FBXW9: variants seen among roughly 807,000 people sequenced by gnomAD.
FBXW9 encodes F-box and WD repeat domain containing 9.
Under a neutral mutation model 55.8 loss-of-function variants are expected in FBXW9, and 38 were observed. The ratio of observed to expected loss-of-function variants is 0.68; its 90% confidence interval spans 0.53 to 0.89. FBXW9 has a LOEUF of 0.89. Ranked by LOEUF, FBXW9 falls within the 40% of genes least tolerant of loss-of-function variation. FBXW9 has a pLI of 0.00. For synonymous variants in FBXW9, 289 were observed against 278.2 expected (o/e 1.04, Z -0.38); for missense variants, 590 against 619.4 (o/e 0.95, Z 0.50).
Position 12,696,298 on chromosome 19 carries a change from T to G in FBXW9, c.284A>C (p.Asp95Ala), listed in dbSNP as rs1308400672. The part of the protein sequence containing the change: ...ELLLEICSYL[D>A]ARLVLHVLSR... ...CAGGACGTGGAGCACGAGGCGGGCG[T>G]CCAGGTAGGAGCAGATCTCGAGCAG... The change falls in exon 1 of 10, where the codon GAC becomes GCC. Residue 95 changes from aspartate to alanine, a missense_variant. Physicochemically the swap from Asp to Ala is moderately radical, Grantham distance 126. Transcript: ENST00000393261. The G allele has an allele frequency of 6.3e-7, 1 of 1,578,522 alleles. No individual in the cohort carries two copies. Among genetic ancestry groups the G allele is most frequent in the Non-Finnish European group, 8.6e-7 (1 of 1,162,872 alleles).
chr19:12,692,791 T>C (rs1229040296), intron 3 of FBXW9, among the ~76,000 whole-genome samples: 1 of 152,162 alleles, frequency 6.6e-6, no homozygotes, highest in Non-Finnish European at 1.5e-5. Context: ...CCCAAAGTGT[T>C]AGGATTACAG....
chr19:12,689,445 G>A lies in FBXW9; in HGVS notation c.1237-8C>T, dbSNP rs2024971389. ...GTCTGTGGGCACGTGCACCTAGTGA[G>A]GGGCAATGGGCGAGGTCAAGAGGTG... On this transcript the variant is annotated splice_region_variant and splice_polypyrimidine_tract_variant and intron_variant, in intron 8 of 9. Coordinates refer to ENST00000393261, the MANE Select transcript of FBXW9 (RefSeq NM_032301.3). The surrounding 1 kb of genome is among the most constrained non-coding windows in gnomAD (Gnocchi z 5.9). The A allele has an allele frequency of 5.0e-6, 8 of 1,614,060 alleles. No homozygotes were observed. In the East Asian group the frequency reaches 1.8e-4, roughly 36 times the overall value.
chr19:12,695,291 A>T (rs994085005), intron 1 of FBXW9, among the ~76,000 whole-genome samples: 1 of 152,164 alleles, frequency 6.6e-6, no homozygotes, highest in Non-Finnish European at 1.5e-5. Flanking sequence ...CCTCATGACT[A>T]ACCCTTCCTG....
intron 5 of FBXW9, among the ~76,000 whole-genome samples, chr19:12,690,622 A>T (rs557028505): frequency 6.6e-6 from 1 of 151,728 alleles, no homozygotes; most frequent in African/African-American, 2.4e-5. Context: ...TTCTCCATTT[A>T]AAAAAAAGAA....
chr19:12,694,968 TGG>T, intron 1 of FBXW9, 30 bp from the exon 2 acceptor site: 5 of 1,603,514 alleles, frequency 3.1e-6, no homozygotes, highest in Non-Finnish European at 4.2e-6. Flanking sequence ...GGGTGCCCAG[TGG>T]GCAGGGACCC....
Position 12,688,966 on chromosome 19 carries a change from C to T in FBXW9, c.*250G>A, listed in dbSNP as rs559280984. On this transcript the variant is annotated 3_prime_UTR_variant, in exon 10 of 10. Transcript: ENST00000393261. ...TTTCTCCTTCGCTCTCAACTGAGAG[C>T]GGGGCATCCAAATCATAACAAAACC... 97 of 670,916 alleles carry T rather than the reference C, an allele frequency of 1.4e-4. 1 individual carries two copies. Among genetic ancestry groups the T allele is most frequent in the South Asian group, 2.3e-4 (15 of 65,794 alleles). 41.6% of individuals were successfully genotyped at this position (670,916 alleles called of 1,614,324 possible). A position where few individuals can be genotyped will look rare whatever the true frequency, so the allele number is the denominator to read the frequency against.
intron 3 of FBXW9, among the ~76,000 whole-genome samples, chr19:12,692,233 T>C (rs1305408406): frequency 6.6e-6 from 1 of 151,218 alleles, no homozygotes; most frequent in East Asian, 1.9e-4. Context: ...CTAATTTTTT[T>C]TTTTTTTTTT....
Position 12,696,349 on chromosome 19 carries a change from C to G in FBXW9, c.233G>C (p.Gly78Ala), listed in dbSNP as rs950749623. 7 of 1,602,228 alleles carry G rather than the reference C, an allele frequency of 4.4e-6. No homozygotes were observed. The highest frequency in any genetic ancestry group is 3.5e-5 in the Admixed American group (2 of 57,666). The change falls in exon 1 of 10, where the codon GGC (glycine) becomes GCC (alanine). Residue 78 changes from glycine (G) to alanine (A), a missense_variant. Transcript: ENST00000393261. ...CAGCTCCGGGGGAAGGCTCAGAAGG[C>G]CCGGCTCACTTACGGCCGAAACCCT... ...ASRVSAVSEP[G>A]LLSLPPELLL...
Position 12,694,934 on chromosome 19 carries a change from C to G in FBXW9, c.414G>C (p.Lys138Asn), listed in dbSNP as rs1462836872. 1 of 1,613,028 alleles carries G rather than the reference C, an allele frequency of 6.2e-7. No homozygotes were observed. Among genetic ancestry groups the G allele is most frequent in the Non-Finnish European group, 8.5e-7 (1 of 1,179,924 alleles). Residue 138 changes from lysine (K) to asparagine (N), a missense_variant, in exon 2 of 10, where the codon AAG becomes AAC. Lys to Asn is a moderately conservative substitution (Grantham distance 94). Transcript: ENST00000393261. ...TGCAGGCTGCCGGCCAGTCAAAGTT[C>G]TTCTCTGTGGGTTACCACGAGTAGG... ...VRAPYPVVEE[K>N]NFDWPAACIA...
chr19:12,696,198 T>C lies in FBXW9; in HGVS notation c.384A>G (p.Val128=). The C allele has an allele frequency of 2.6e-6, 4 of 1,545,470 alleles. No individual in the cohort carries two copies. Among genetic ancestry groups the C allele is most frequent in the African/African-American group, 1.4e-5 (1 of 73,006 alleles). Residue 128 remains valine, a synonymous_variant, in exon 1 of 10, where the codon GTA becomes GTG. Coordinates refer to ENST00000393261, the MANE Select transcript of FBXW9 (RefSeq NM_032301.3). ...CTTCCACCACTGGGTAGGGCGCGCG[T>C]ACGCGGCGTAGCGCGCGTAGCCTCC... ...VTWRLRALRR[V]RAPYPVVEEK... is the part of the protein sequence containing the mutation.
intron 1 of FBXW9, among the ~76,000 whole-genome samples, chr19:12,695,399 G>T (rs563460587): frequency 6.6e-6 from 1 of 152,216 alleles, no homozygotes; most frequent in South Asian, 2.1e-4. Context: ...CCCAGATGCA[G>T]ATTCTGTGAT....
At position 12,691,041 on chromosome 19, in the gene FBXW9, G is replaced by A. The variant is rs890752715; in HGVS notation, c.883+125C>T. 4 of 875,796 alleles carry A rather than the reference G, an allele frequency of 4.6e-6. No individual in the cohort carries two copies. In the African/African-American group the frequency reaches 6.6e-5, roughly 14 times the overall value. The allele number at this position is 875,796 out of a possible 1,614,324, so 54.3% of individuals were successfully genotyped here. Reference sequence around the variant, plus strand: ...AAGTTGCCTGTATTGTACCAGCACAGCATGGCCACTCTGAGTGGTGAGTAT... The same window carrying A: ...AAGTTGCCTGTATTGTACCAGCACAACATGGCCACTCTGAGTGGTGAGTAT... On this transcript the variant is annotated intron_variant, in intron 5 of 9. Coordinates refer to ENST00000393261, the MANE Select transcript of FBXW9 (RefSeq NM_032301.3).
chr19:12,691,461 G>A lies in FBXW9; in HGVS notation c.679-7C>T, dbSNP rs1363578556. 18 of 1,557,030 alleles carry A rather than the reference G, an allele frequency of 1.2e-5. No homozygotes were observed. The highest frequency in any genetic ancestry group is 1.5e-5 in the Non-Finnish European group (17 of 1,152,332). ...CCAGTGACCACACCCAGCCCTGCAG[G>A]ACAGGAGCAGCAGTCACACACCTGC... On this transcript the variant is annotated splice_polypyrimidine_tract_variant and splice_region_variant and intron_variant, in intron 3 of 9. Coordinates refer to ENST00000393261, the MANE Select transcript of FBXW9 (RefSeq NM_032301.3).
Position 12,696,352 on chromosome 19 carries a change from G to A in FBXW9, c.230C>T (p.Pro77Leu), listed in dbSNP as rs772116742. ...CTCCGGGGGAAGGCTCAGAAGGCCCGGCTCACTTACGGCCGAAACCCTGGA... is the reference window on the plus strand; with the variant it reads ...CTCCGGGGGAAGGCTCAGAAGGCCCAGCTCACTTACGGCCGAAACCCTGGA... ...AASRVSAVSE[P>L]GLLSLPPELL... Residue 77 changes from proline (P) to leucine (L), a missense_variant, in exon 1 of 10, where the codon CCG (proline) becomes CTG (leucine). Pro to Leu is a moderately conservative substitution (Grantham distance 98). Transcript: ENST00000393261. The A allele has an allele frequency of 1.2e-6, 2 of 1,603,808 alleles. No homozygotes were observed. The highest frequency in any genetic ancestry group is 8.5e-7 in the Non-Finnish European group (1 of 1,175,924).
At chr19:12,691,058 G>T in intron 5 of FBXW9, 108 bp downstream of exon 5, 1 of 962,630 alleles carries the variant, frequency 1.0e-6, no homozygotes. Flanking sequence ...CACTCTGAGT[G>T]GTGAGTATTT....
At chr19:12,694,025 C>A (rs2025045503) in intron 3 of FBXW9, among the ~76,000 whole-genome samples, 2 of 146,922 alleles carry the variant, frequency 1.4e-5, no homozygotes, top group Non-Finnish European at 3.0e-5. Context: ...CTGTCTCTAC[C>A]AAAAATAAAA....
chr19:12,696,399 G>C lies in FBXW9; in HGVS notation c.183C>G (p.Ser61Arg). The C allele has an allele frequency of 1.2e-6, 2 of 1,611,850 alleles. No homozygotes were observed. Among genetic ancestry groups the C allele is most frequent in the Non-Finnish European group, 1.7e-6 (2 of 1,179,548 alleles). ...SQLSTPAASP[S>R]ASEPRAASRV... ...TGGACGCGGCCCGAGGCTCCGAAGCGCTCGGGGACGCGGCGGGTGTGGATA... is the reference window on the plus strand; with the variant it reads ...TGGACGCGGCCCGAGGCTCCGAAGCCCTCGGGGACGCGGCGGGTGTGGATA... Residue 61 changes from serine to arginine, a missense_variant, in exon 1 of 10, where the codon AGC becomes AGG. Ser to Arg is a moderately radical substitution (Grantham distance 110). Coordinates refer to ENST00000393261, the MANE Select transcript of FBXW9 (RefSeq NM_032301.3).
intron 4 of FBXW9, 28 bp from the exon 5 acceptor site, chr19:12,691,285 G>C: frequency 6.2e-7 from 1 of 1,613,154 alleles, no homozygotes; most frequent in Non-Finnish European, 8.5e-7. Context: ...ACAGGGCTTT[G>C]GCTGTGGCCA....
chr19:12,690,145 A>G (rs763014653), intron 5 of FBXW9, 35 bp from the exon 6 acceptor site: 33 of 1,611,926 alleles, frequency 2.0e-5, no homozygotes, highest in Admixed American at 1.8e-4. Context: ...GAGGGATATC[A>G]GAGCCCCTCG....
Sources: gnomAD v4.1 joint callset for allele counts (sites outside exome capture counted in the v4.1 genomes callset) on GRCh38, gnomAD v4.1.1 for gene constraint, Gnocchi (gnomAD v3.1) non-coding constraint, MANE v1.5 for transcripts, NCBI Gene and HGNC (gene_info 2026-07-23, HGNC 2026-07-21) for gene names.